Variants in SLC24A3 observed in about 807,000 individuals in gnomAD.
The protein encoded by SLC24A3 is sodium/potassium/calcium exchanger 3.
A neutral mutation model predicts 75.8 loss-of-function variants in SLC24A3; 28 were observed. That is an observed-to-expected ratio of 0.37 (90% CI 0.27 to 0.51). The LOEUF (loss-of-function observed/expected upper bound fraction) is 0.51, where lower values mean the gene tolerates loss of function less well. SLC24A3 is among the 20% of genes least tolerant of loss of function. The pLI is 0.94. For synonymous variants in SLC24A3, 372 were observed against 334.1 expected (o/e 1.11, Z -1.24); for missense variants, 663 against 847.8 (o/e 0.78, Z 2.71).
intron 6 of SLC24A3, among the ~76,000 whole-genome samples, chr20:19,617,849 C>T (rs6075544): frequency 0.6 from 90,459 of 151,940 alleles, 28,018 homozygotes; most frequent in Non-Finnish European, 0.71. Flanking sequence ...TCAGACGAGG[C>T]GGCATGTTAC....
chr20:19,523,015 A>T (rs1178685007), intron 3 of SLC24A3, among the ~76,000 whole-genome samples: 1 of 152,204 alleles, frequency 6.6e-6, no homozygotes, highest in East Asian at 1.9e-4. Flanking sequence ...TCTACTAATG[A>T]CGTGGTCTTG....
intron 3 of SLC24A3, among the ~76,000 whole-genome samples, chr20:19,524,815 G>T (rs557750033): frequency 6.6e-6 from 1 of 152,174 alleles, no homozygotes; most frequent in Non-Finnish European, 1.5e-5. Context: ...CCTCTGAAAA[G>T]CATAAGAACA....
chr20:19,587,772 A>C (rs1171409150), intron 6 of SLC24A3, among the ~76,000 whole-genome samples: 1 of 152,196 alleles, frequency 6.6e-6, no homozygotes, highest in East Asian at 1.9e-4. Context: ...TCATCTATAG[A>C]GTGGGTACAA....
intron 12 of SLC24A3, among the ~76,000 whole-genome samples, chr20:19,692,394 A>T (rs1271713993): frequency 6.6e-6 from 1 of 152,228 alleles, no homozygotes; most frequent in Non-Finnish European, 1.5e-5. Context: ...ACCCACCGCC[A>T]TATGGATAAC....
At chr20:19,484,914 G>C (rs543796920) in intron 2 of SLC24A3, among the ~76,000 whole-genome samples, 14 of 152,256 alleles carry the variant, frequency 9.2e-5, no homozygotes, top group African/African-American at 3.4e-4. Flanking sequence ...TCAGGAGACT[G>C]AAAGATACTC....
intron 6 of SLC24A3, among the ~76,000 whole-genome samples, chr20:19,608,755 A>C (rs1362529706): frequency 1.3e-5 from 2 of 152,220 alleles, no homozygotes; most frequent in African/African-American, 4.8e-5. Context: ...GGCAGGTTGC[A>C]TAGGAAAGCA....
intron 3 of SLC24A3, among the ~76,000 whole-genome samples, chr20:19,547,857 A>T (rs1041016918): frequency 1.1e-4 from 16 of 152,238 alleles, no homozygotes; most frequent in African/African-American, 2.9e-4. Context: ...AATTAAAGAG[A>T]TCTCCTTTGG....
chr20:19,561,473 C>T (rs557761895), intron 3 of SLC24A3, among the ~76,000 whole-genome samples: 18 of 152,270 alleles, frequency 1.2e-4, no homozygotes, highest in Admixed American at 2.0e-4. Context: ...AAACCAACCT[C>T]TTCAGCACAC....
At chr20:19,568,898 A>G (rs1568658656) in intron 3 of SLC24A3, among the ~76,000 whole-genome samples, 1 of 152,196 alleles carries the variant, frequency 6.6e-6, no homozygotes, top group East Asian at 1.9e-4. Context: ...AGAGGGAGAG[A>G]TAGATACAGA....
chr20:19,642,385 G>C (rs2032086499), intron 6 of SLC24A3, among the ~76,000 whole-genome samples: 1 of 152,196 alleles, frequency 6.6e-6, no homozygotes, highest in South Asian at 2.1e-4. Context: ...ATCTGTTATG[G>C]ATAAATATTA....
intron 8 of SLC24A3, among the ~76,000 whole-genome samples, chr20:19,667,870 C>A (rs181040923): frequency 5.3e-5 from 8 of 152,276 alleles, no homozygotes; most frequent in Admixed American, 5.2e-4. Flanking sequence ...AGGGTAGGTG[C>A]CCGAGGCTGC....
At chr20:19,515,905 G>A (rs867849699) in intron 3 of SLC24A3, among the ~76,000 whole-genome samples, 35 of 152,116 alleles carry the variant, frequency 2.3e-4, no homozygotes, top group Admixed American at 5.2e-4. Flanking sequence ...CTGAAATGCC[G>A]CCATATTTCC....
intron 2 of SLC24A3, among the ~76,000 whole-genome samples, chr20:19,498,538 C>T (rs1162325813): frequency 6.6e-6 from 1 of 152,164 alleles, no homozygotes. Context: ...CCTATGCAGC[C>T]TCACTCACTG....
rs551537858 is a variant in SLC24A3, at chr20:19,438,565, C to T, written c.272-76923C>T. 2.0e-5 allele frequency among the ~76,000 whole-genome samples: 3 copies of T among 152,158 alleles called. No individual in the cohort carries two copies. The South Asian group carries it at 6.2e-4, about 32-fold the overall frequency. On this transcript the variant is annotated intron_variant, in intron 2 of 16. Coordinates refer to ENST00000328041, the MANE Select transcript of SLC24A3 (RefSeq NM_020689.4). ...ACCAAGCAACTCATTGGTCTCTGCACCTAGCACCCCTACATGGTAGGCAGT... is the reference window on the plus strand; with the variant it reads ...ACCAAGCAACTCATTGGTCTCTGCATCTAGCACCCCTACATGGTAGGCAGT...
At chr20:19,565,595 C>A (rs1003232816) in intron 3 of SLC24A3, among the ~76,000 whole-genome samples, 16 of 152,212 alleles carry the variant, frequency 1.1e-4, no homozygotes, top group African/African-American at 3.6e-4. Flanking sequence ...CCTTATTGGT[C>A]CCCCATTGCA....
intron 1 of SLC24A3, among the ~76,000 whole-genome samples, chr20:19,254,106 T>A (rs1322902440): frequency 6.6e-6 from 1 of 152,220 alleles, no homozygotes; most frequent in Non-Finnish European, 1.5e-5. Flanking sequence ...GGGGATTTTT[T>A]ATGACATTGT....
At chr20:19,529,040 C>A (rs1568645694) in intron 3 of SLC24A3, among the ~76,000 whole-genome samples, 1 of 152,120 alleles carries the variant, frequency 6.6e-6, no homozygotes, top group Non-Finnish European at 1.5e-5. Context: ...TACACACACA[C>A]AATGTATATT....
At chr20:19,500,043 T>C (rs1988362489) in intron 2 of SLC24A3, among the ~76,000 whole-genome samples, 1 of 152,180 alleles carries the variant, frequency 6.6e-6, no homozygotes, top group African/African-American at 2.4e-5. Context: ...GTAGCGACTC[T>C]GCCCTGAACC....
chr20:19,583,856 T>C (rs891722718), intron 4 of SLC24A3, among the ~76,000 whole-genome samples: 1 of 152,136 alleles, frequency 6.6e-6, no homozygotes, highest in East Asian at 1.9e-4. Context: ...CGGCATCCCA[T>C]GTGAAGCTTC....
Sources: allele counts gnomAD v4.1 joint callset (sites outside exome capture counted in the v4.1 genomes callset), GRCh38; gene constraint gnomAD v4.1.1; transcripts MANE v1.5; gene names NCBI Gene and HGNC (gene_info 2026-07-23, HGNC 2026-07-21).